The following PDGFD variants were observed in gnomAD, a reference collection of about 807,000 sequenced individuals.
PDGFD encodes platelet-derived growth factor D.
In PDGFD, 30 loss-of-function variants were observed where a neutral mutation model predicts 44.7. That is an observed-to-expected ratio of 0.67 (90% CI 0.50 to 0.91). The LOEUF (loss-of-function observed/expected upper bound fraction) is 0.91, where lower values mean the gene tolerates loss of function less well. Among genes scored for constraint, PDGFD ranks in the 40% least tolerant of loss-of-function variants. PDGFD has a pLI of 0.00. For missense variants in PDGFD, 445 were observed against 457.8 expected (o/e 0.97, Z 0.25); for synonymous variants, 173 against 168.4 (o/e 1.03, Z -0.21).
chr11:104,102,714 G>C (rs1409045925), intron 1 of PDGFD, among the ~76,000 whole-genome samples: 1 of 152,218 alleles, frequency 6.6e-6, no homozygotes, highest in Non-Finnish European at 1.5e-5. Flanking sequence ...TTAAGAAAAT[G>C]TGGCACATAT....
At position 104,053,706 on chromosome 11, in the gene PDGFD, A is replaced by G. The variant is rs140710546; in HGVS notation, c.125-53451T>C. Among the ~76,000 whole-genome samples, 1,379 of 152,318 alleles carry G rather than the reference A, an allele frequency of 9.1e-3. 22 individuals are homozygous for G. Among genetic ancestry groups the G allele is most frequent in the African/African-American group, 0.029 (1,189 of 41,572 alleles). On this transcript the variant is annotated intron_variant, in intron 1 of 6. Transcript: ENST00000393158. ...ACAGAGGGTTCAGAACAAGAAGCGCATATATTCAACTGGGCAGGATATTAC... is the reference window on the plus strand; with the variant it reads ...ACAGAGGGTTCAGAACAAGAAGCGCGTATATTCAACTGGGCAGGATATTAC...
intron 1 of PDGFD, among the ~76,000 whole-genome samples, chr11:104,042,176 C>T (rs758825654): frequency 1.2e-4 from 18 of 152,158 alleles, no homozygotes; most frequent in Non-Finnish European, 2.1e-4. Context: ...GTCTTAGGTA[C>T]CGATTTATAT....
At chr11:104,126,593 C>T (rs988295636) in intron 1 of PDGFD, among the ~76,000 whole-genome samples, 20 of 152,032 alleles carry the variant, frequency 1.3e-4, no homozygotes, top group African/African-American at 4.8e-4. Flanking sequence ...AATTAGGATG[C>T]TATTTCTGTT....
intron 5 of PDGFD, 137 bp downstream of exon 5, chr11:103,943,315 G>C: frequency 2.5e-6 from 2 of 806,052 alleles, no homozygotes; most frequent in Non-Finnish European, 3.8e-6. Context: ...AAGTATAAAT[G>C]TAAATGTTCC....
At chr11:104,151,567 C>A (rs1163391581) in intron 1 of PDGFD, among the ~76,000 whole-genome samples, 1 of 152,126 alleles carries the variant, frequency 6.6e-6, no homozygotes, top group African/African-American at 2.4e-5. Context: ...TCAAAGTTGT[C>A]TTTGTTTACT....
chr11:104,037,225 G>GCC (rs768424667), intron 1 of PDGFD: 4 of 1,613,580 alleles, frequency 2.5e-6, no homozygotes, highest in Middle Eastern at 1.6e-4. Flanking sequence ...AGAGAAGGTG[G>GCC]CCGGCCTGCA....
rs1857950001 is a variant in PDGFD, at chr11:103,907,336, A to C, written c.*2358T>G. On this transcript the variant is annotated 3_prime_UTR_variant, in exon 7 of 7. Coordinates refer to ENST00000393158, the MANE Select transcript of PDGFD (RefSeq NM_025208.5). ...ACTTATGAAAGTGTTTTGCCCTATA[A>C]GAACATATTCAATAAAAGGCATTAT... 1 of 152,248 alleles carries C rather than the reference A, an allele frequency of 6.6e-6. No homozygotes were observed. The highest frequency in any genetic ancestry group is 1.5e-5 in the Non-Finnish European group (1 of 68,052). The allele number at this position is 152,248 out of a possible 1,614,324, so 9.4% of individuals were successfully genotyped here.
At chr11:104,122,701 C>T (rs910993041) in intron 1 of PDGFD, among the ~76,000 whole-genome samples, 1 of 144,608 alleles carries the variant, frequency 6.9e-6, no homozygotes, top group African/African-American at 2.6e-5. Context: ...ACTGAAAATA[C>T]AACTTATAAT....
At chr11:104,135,023 C>A in intron 1 of PDGFD, among the ~76,000 whole-genome samples, 1 of 152,172 alleles carries the variant, frequency 6.6e-6, no homozygotes, top group South Asian at 2.1e-4. Flanking sequence ...AGCAGGGCAT[C>A]CACTGCCCTC....
At chr11:104,106,301 T>G (rs1462428540) in intron 1 of PDGFD, among the ~76,000 whole-genome samples, 2 of 152,134 alleles carry the variant, frequency 1.3e-5, no homozygotes, top group Non-Finnish European at 2.9e-5. Context: ...TATGTTCACA[T>G]TTTTTTAGCT....
At chr11:104,039,887 A>G (rs1177396862) in intron 1 of PDGFD, among the ~76,000 whole-genome samples, 1 of 152,104 alleles carries the variant, frequency 6.6e-6, no homozygotes, top group Admixed American at 6.5e-5. Context: ...AGGGTGTCTG[A>G]CCCTTTAAAG....
intron 1 of PDGFD, among the ~76,000 whole-genome samples, chr11:104,102,826 G>A (rs907526379): frequency 1.2e-4 from 18 of 152,036 alleles, no homozygotes; most frequent in Non-Finnish European, 2.6e-4. Context: ...ACTACTGCAA[G>A]GACAAAAAAC....
intron 3 of PDGFD, among the ~76,000 whole-genome samples, chr11:103,980,184 A>G (rs1021000424): frequency 2.0e-5 from 3 of 152,098 alleles, no homozygotes; most frequent in Admixed American, 6.6e-5. Flanking sequence ...TCTTTAAAAA[A>G]TCTGTTTTTA....
intron 3 of PDGFD, among the ~76,000 whole-genome samples, chr11:103,973,546 C>G (rs1335326826): frequency 6.6e-6 from 1 of 152,054 alleles, no homozygotes; most frequent in Admixed American, 6.6e-5. Flanking sequence ...GATGTACCAG[C>G]CTTTGTGCTA....
At chr11:104,084,380 T>C (rs1049532957) in intron 1 of PDGFD, among the ~76,000 whole-genome samples, 1 of 152,054 alleles carries the variant, frequency 6.6e-6, no homozygotes, top group Non-Finnish European at 1.5e-5. Context: ...AGAATCAGCC[T>C]TAAAGAGATC....
intron 1 of PDGFD, among the ~76,000 whole-genome samples, chr11:104,100,398 C>T (rs1420705111): frequency 1.3e-5 from 2 of 152,146 alleles, no homozygotes; most frequent in Non-Finnish European, 2.9e-5. Context: ...CATACACCCT[C>T]CCAAGACTAA....
intron 1 of PDGFD, among the ~76,000 whole-genome samples, chr11:104,151,131 G>GCT (rs201172493): frequency 3.2e-4 from 48 of 150,918 alleles, no homozygotes; most frequent in African/African-American, 1.0e-3. Flanking sequence ...TAGAAAGCTC[G>GCT]CTCTCTCTCT....
chr11:104,018,541 T>C (rs1859897301), intron 1 of PDGFD, among the ~76,000 whole-genome samples: 1 of 152,198 alleles, frequency 6.6e-6, no homozygotes, highest in South Asian at 2.1e-4. Flanking sequence ...CATGTGATCT[T>C]GTTAGATTGC....
chr11:103,927,405 C>G (rs1858335872), intron 5 of PDGFD, among the ~76,000 whole-genome samples: 2 of 151,838 alleles, frequency 1.3e-5, no homozygotes, highest in South Asian at 4.2e-4. Flanking sequence ...CTTTTTTATG[C>G]AAAAAAAGTT....
Sources: allele counts gnomAD v4.1 joint callset (sites outside exome capture counted in the v4.1 genomes callset), GRCh38; gene constraint gnomAD v4.1.1; transcripts MANE v1.5; gene names NCBI Gene and HGNC (gene_info 2026-07-23, HGNC 2026-07-21).